Variants in GRIK2 observed in about 807,000 individuals in gnomAD.
GRIK2 encodes the protein glutamate receptor ionotropic, kainate 2.
Under a neutral mutation model 100.3 loss-of-function variants are expected in GRIK2, and 32 were observed. The observed-to-expected ratio is 0.32, with a 90% CI of 0.24 to 0.43. The LOEUF (loss-of-function observed/expected upper bound fraction) is 0.43, where lower values mean the gene tolerates loss of function less well. Among genes scored for constraint, GRIK2 ranks in the 20% least tolerant of loss-of-function variants. The pLI is 1.00. For missense variants in GRIK2, 843 were observed against 1,114.9 expected, an observed-to-expected ratio of 0.76 and a Z score of 3.47; for synonymous variants, 417 against 389.4, an observed-to-expected ratio of 1.07 and a Z score of -0.83.
intron 7 of GRIK2, among the ~76,000 whole-genome samples, chr6:101,770,195 G>GT (rs1778310437): frequency 6.6e-6 from 1 of 151,802 alleles, no homozygotes; most frequent in Non-Finnish European, 1.5e-5. Flanking sequence ...TGTCTTTTTT[G>GT]TTTTTTCTAG....
At chr6:101,844,388 T>C (rs927961893) in intron 10 of GRIK2, among the ~76,000 whole-genome samples, 2 of 152,164 alleles carry the variant, frequency 1.3e-5, no homozygotes, top group Admixed American at 6.5e-5. Flanking sequence ...TCTCAATATG[T>C]GTGTAATACA....
chr6:101,829,509 C>T (rs1343267455), intron 10 of GRIK2, among the ~76,000 whole-genome samples: 2 of 151,890 alleles, frequency 1.3e-5, no homozygotes, highest in African/African-American at 4.8e-5. Context: ...AAGATTCCTC[C>T]AAGGACTCAT....
intron 10 of GRIK2, among the ~76,000 whole-genome samples, chr6:101,850,672 C>A (rs1156464693): frequency 6.6e-6 from 1 of 151,922 alleles, no homozygotes; most frequent in Non-Finnish European, 1.5e-5. Context: ...CAGTCTAATG[C>A]AGATAAAAAT....
intron 15 of GRIK2, among the ~76,000 whole-genome samples, chr6:102,039,595 T>C (rs1260980669): frequency 6.6e-6 from 1 of 151,486 alleles, no homozygotes; most frequent in African/African-American, 2.4e-5. Flanking sequence ...CTGGGAACAT[T>C]TCTCCTCCTT....
chr6:101,691,853 T>C (rs1162980632), intron 7 of GRIK2, among the ~76,000 whole-genome samples: 1 of 151,970 alleles, frequency 6.6e-6, no homozygotes, highest in African/African-American at 2.4e-5. Context: ...ATTTAGCTCA[T>C]CCACTAAGGT....
chr6:101,963,278 ATTTTTTTTTTTTTTT>A (rs3029099), intron 14 of GRIK2, among the ~76,000 whole-genome samples: 17 of 27,844 alleles, frequency 6.1e-4, no homozygotes, highest in African/African-American at 1.4e-3. Flanking sequence ...CTTATTTAGG[ATTTTTTTTTTTTTTT>A]TTTTTTTTTT....
At chr6:101,921,952 A>G (rs867256066) in intron 12 of GRIK2, among the ~76,000 whole-genome samples, 2 of 152,124 alleles carry the variant, frequency 1.3e-5, no homozygotes. Context: ...AAACATGTAC[A>G]TTATTTTAAT....
intron 12 of GRIK2, among the ~76,000 whole-genome samples, chr6:101,891,294 G>A (rs368513050): frequency 3.3e-5 from 5 of 151,614 alleles, no homozygotes; most frequent in South Asian, 2.1e-4. Context: ...CAAGGCGGGC[G>A]GATCACAAAG....
chr6:102,048,492 A>G (rs1183134293), intron 15 of GRIK2, among the ~76,000 whole-genome samples: 1 of 152,146 alleles, frequency 6.6e-6, no homozygotes, highest in Non-Finnish European at 1.5e-5. Context: ...CTATATTAAG[A>G]ACTCAGACAA....
intron 15 of GRIK2, among the ~76,000 whole-genome samples, chr6:102,040,776 C>T (rs1371297432): frequency 6.6e-6 from 1 of 151,610 alleles, no homozygotes; most frequent in Non-Finnish European, 1.5e-5. Flanking sequence ...ATTATAGATG[C>T]ATAAAATTGC....
chr6:101,799,529 T>C (rs1327941474), intron 7 of GRIK2, 119 bp from the exon 8 acceptor site: 4 of 746,944 alleles, frequency 5.4e-6, no homozygotes, highest in East Asian at 4.9e-5. Context: ...TTCTTCTTTA[T>C]ACAAAGAAAA....
chr6:101,943,530 C>A (rs1375306095), intron 14 of GRIK2, among the ~76,000 whole-genome samples: 1 of 152,176 alleles, frequency 6.6e-6, no homozygotes, highest in African/African-American at 2.4e-5. Flanking sequence ...AGGCTGTACC[C>A]TAAAGAGCCA....
At chr6:101,577,394 AT>A (rs1777841499) in intron 2 of GRIK2, among the ~76,000 whole-genome samples, 5 of 152,122 alleles carry the variant, frequency 3.3e-5, no homozygotes, top group Admixed American at 3.3e-4. Context: ...TTATGAGAAC[AT>A]TCTCTAAATC....
Position 101,863,903 on chromosome 6 carries a change from C to T in GRIK2, c.1524+4410C>T, listed in dbSNP as rs537599322. Among the ~76,000 whole-genome samples, 165 of 150,990 alleles carry T rather than the reference C, an allele frequency of 1.1e-3. 1 individual carries two copies. Among genetic ancestry groups the T allele is most frequent in the African/African-American group, 3.7e-3 (150 of 41,074 alleles). On this transcript the variant is annotated intron_variant, in intron 11 of 16. Transcript: ENST00000369134. ...CTGTAATCCCAGCACTTTGGGAGGC[C>T]GAGGCGGGTGGATCATGAGGTCAGG...
At chr6:102,026,258 T>G (rs1769701864) in intron 14 of GRIK2, among the ~76,000 whole-genome samples, 1 of 150,166 alleles carries the variant, frequency 6.7e-6, no homozygotes, top group African/African-American at 2.4e-5. Flanking sequence ...CTGATTATCT[T>G]TACAGAGCTT....
At chr6:101,506,010 A>G (rs1774009417) in intron 2 of GRIK2, among the ~76,000 whole-genome samples, 1 of 152,130 alleles carries the variant, frequency 6.6e-6, no homozygotes. Flanking sequence ...AATCTTTTTG[A>G]GTACTCATTA....
chr6:101,789,719 G>T (rs1258661732), intron 7 of GRIK2, among the ~76,000 whole-genome samples: 1 of 152,176 alleles, frequency 6.6e-6, no homozygotes, highest in Admixed American at 6.5e-5. Flanking sequence ...GAACTTTAAA[G>T]TAGTTTTTTC....
chr6:102,000,773 TC>T (rs1179305121), intron 14 of GRIK2, among the ~76,000 whole-genome samples: 2 of 152,130 alleles, frequency 1.3e-5, no homozygotes, highest in African/African-American at 4.8e-5. Context: ...TGTGTTTCTC[TC>T]TTTTGTTTCT....
chr6:102,017,800 G>T (rs911072867), intron 14 of GRIK2, among the ~76,000 whole-genome samples: 3 of 151,986 alleles, frequency 2.0e-5, no homozygotes, highest in Non-Finnish European at 2.9e-5. Context: ...CTTTCCTCAG[G>T]TGTGTCCCGT....
Sources: allele counts gnomAD v4.1 joint callset (sites outside exome capture counted in the v4.1 genomes callset), GRCh38; gene constraint gnomAD v4.1.1; transcripts MANE v1.5; gene names NCBI Gene and HGNC (gene_info 2026-07-23, HGNC 2026-07-21).